COL13A1: variants seen among roughly 807,000 people sequenced by gnomAD.
The protein encoded by COL13A1 is collagen type XIII alpha 1 chain.
COL13A1 carries 89 observed loss-of-function variants against 130.9 expected under a neutral mutation model. The ratio of observed to expected loss-of-function variants is 0.68; its 90% CI spans 0.57 to 0.81. The LOEUF (loss-of-function observed/expected upper bound fraction) is 0.81, where lower values mean the gene tolerates loss of function less well. Ranked by LOEUF, COL13A1 falls within the 30% of genes least tolerant of loss-of-function variation. The pLI is 0.00. For missense variants in COL13A1, 879 were observed against 934.6 expected, an observed-to-expected ratio of 0.94 and a Z score of 0.78; for synonymous variants, 402 against 341.6, an observed-to-expected ratio of 1.18 and a Z score of -1.95.
In COL13A1 at chr10:69,917,324, T is replaced by A. The variant is rs774702557; in HGVS notation, c.957T>A (p.His319Gln). 1.2e-6 allele frequency: 2 copies of A among 1,613,512 alleles called. No individual in the cohort carries two copies. The highest frequency in any genetic ancestry group is 8.5e-7 in the Non-Finnish European group (1 of 1,179,696). Reference sequence around the variant, plus strand: ...GCATGCCAGGGATGCCAGGCAAGCATGGAGCCAAGGTACCTCCCCCTTCCC... The same window carrying A: ...GCATGCCAGGGATGCCAGGCAAGCAAGGAGCCAAGGTACCTCCCCCTTCCC... ...ERGMPGMPGK[H>Q]GAKGAPGIAV... The change falls in exon 18 of 41, where the codon CAT (histidine) becomes CAA (glutamine). Residue 319 changes from histidine (H) to glutamine (Q), a missense_variant. Around this residue, in one of 3 missense-constraint regions of COL13A1, gnomAD observed 715 missense variants for 721.0 expected, o/e 0.99. Transcript: ENST00000645393.
chr10:69,923,820 G>A lies in COL13A1; in HGVS notation c.1249G>A (p.Gly417Ser). The A allele has an allele frequency of 1.2e-6, 2 of 1,611,510 alleles. No homozygotes were observed. The highest frequency in any genetic ancestry group is 1.7e-6 in the Non-Finnish European group (2 of 1,179,062). Reference protein sequence around the residue: ...PGPKGEAGVDGQVGPPGQPGD... With the variant: ...PGPKGEAGVDSQVGPPGQPGD... ...TCCCCAGGGAGAAGCAGGTGTCGAT[G>A]GCCAGGTTGGCCCCCCAGGGCAGCC... Residue 417 changes from glycine (G) to serine (S), a missense_variant, in exon 24 of 41, where the codon GGC becomes AGC. Gly to Ser is a moderately conservative substitution (Grantham distance 56, BLOSUM62 0). This residue lies in a region of COL13A1 where 715 missense variants were observed against 721.0 expected (regional missense o/e 0.99). Coordinates refer to ENST00000645393, the MANE Select transcript of COL13A1 (RefSeq NM_001368882.1).
chr10:69,944,694 G>GAAAGAA (rs370078177), intron 36 of COL13A1, among the ~76,000 whole-genome samples: 11,067 of 149,044 alleles, frequency 0.074, 555 homozygotes, highest in Middle Eastern at 0.16. Context: ...AAGAAAGAAA[G>GAAAGAA]AAAGAAAAAG....
intron 15 of COL13A1, 97 bp from the exon 16 acceptor site, chr10:69,904,836 C>A: frequency 7.6e-7 from 1 of 1,314,232 alleles, no homozygotes; most frequent in Non-Finnish European, 1.0e-6. Flanking sequence ...CTATTGGGAG[C>A]TGCTCTGCCC....
intron 7 of COL13A1, among the ~76,000 whole-genome samples, chr10:69,883,911 CA>C (rs1465792118): frequency 1.3e-5 from 2 of 152,136 alleles, no homozygotes; most frequent in Non-Finnish European, 1.5e-5. Context: ...TGGACTGGAG[CA>C]GAATCGGTGG....
intron 7 of COL13A1, among the ~76,000 whole-genome samples, chr10:69,885,655 C>T (rs973920732): frequency 3.3e-5 from 5 of 152,176 alleles, no homozygotes; most frequent in Non-Finnish European, 5.9e-5. Context: ...TTGTCCCTAG[C>T]GGGATGGAAG....
At chr10:69,830,267 G>A (rs1848502342) in intron 2 of COL13A1, among the ~76,000 whole-genome samples, 1 of 152,240 alleles carries the variant, frequency 6.6e-6, no homozygotes, top group East Asian at 1.9e-4. Context: ...AAAAGAAGAA[G>A]AGATGCTCAC....
intron 31 of COL13A1, among the ~76,000 whole-genome samples, chr10:69,933,422 C>T (rs1188406355): frequency 2.0e-5 from 3 of 152,146 alleles, no homozygotes; most frequent in African/African-American, 7.2e-5. Context: ...TTTCAAAAGA[C>T]AGCAGAGAAT....
rs972132751 is a variant in COL13A1 at position 69,895,577 on chromosome 10, G to A, written c.684+1G>A. 2 of 1,613,874 alleles carry A rather than the reference G, an allele frequency of 1.2e-6. No individual in the cohort carries two copies. The highest frequency in any genetic ancestry group is 2.7e-5 in the African/African-American group (2 of 75,004). ...TCAGTGTGGAGAGTACCCACACCGG[G>A]TAAGTGAACCCCTAAAATTTAGCAG... On this transcript the variant is annotated splice_donor_variant, in intron 13 of 40. Coordinates refer to ENST00000645393, the MANE Select transcript of COL13A1 (RefSeq NM_001368882.1). LOFTEE classifies it high-confidence loss of function.
chr10:69,918,445 AT>A, intron 19 of COL13A1, 128 bp downstream of exon 19: 2 of 885,950 alleles, frequency 2.3e-6, no homozygotes, highest in Non-Finnish European at 3.4e-6. Context: ...ATTTGGAAAC[AT>A]TTTTCTCAAA....
intron 2 of COL13A1, among the ~76,000 whole-genome samples, chr10:69,831,113 C>A (rs12241271): frequency 6.6e-6 from 1 of 152,118 alleles, no homozygotes; most frequent in African/African-American, 2.4e-5. Flanking sequence ...AGTTAATGAA[C>A]GGATGTTGTT....
intron 1 of COL13A1, among the ~76,000 whole-genome samples, chr10:69,810,139 C>T (rs1230275986): frequency 6.6e-6 from 1 of 152,164 alleles, no homozygotes; most frequent in African/African-American, 2.4e-5. Flanking sequence ...CTCTCCCCTC[C>T]TTCTCACTGA....
intron 2 of COL13A1, among the ~76,000 whole-genome samples, chr10:69,855,025 C>T (rs1856006048): frequency 6.6e-6 from 1 of 152,166 alleles, no homozygotes; most frequent in Admixed American, 6.5e-5. Flanking sequence ...GGCAAGAATC[C>T]TAGCTCCACC....
At chr10:69,880,432 T>A (rs2060011044) in intron 6 of COL13A1, 71 bp from the exon 7 acceptor site, 9 of 906,946 alleles carry the variant, frequency 9.9e-6, no homozygotes, top group East Asian at 2.5e-5. Flanking sequence ...CTTTGGTTCC[T>A]CTCTTTCCCG....
At chr10:69,920,025 T>C (rs1253833742) in intron 21 of COL13A1, among the ~76,000 whole-genome samples, 1 of 152,176 alleles carries the variant, frequency 6.6e-6, no homozygotes, top group Non-Finnish European at 1.5e-5. Flanking sequence ...CATGGCCTGC[T>C]TCCGAAGGAT....
intron 13 of COL13A1, among the ~76,000 whole-genome samples, chr10:69,898,346 G>A (rs534299633): frequency 2.6e-5 from 4 of 152,342 alleles, no homozygotes; most frequent in South Asian, 2.1e-4. Context: ...GCATGGCCAC[G>A]GAGGGCAAGC....
chr10:69,917,358 A>G, intron 18 of COL13A1, 25 bp downstream of exon 18: 1 of 1,606,588 alleles, frequency 6.2e-7, no homozygotes, highest in Non-Finnish European at 8.5e-7. Context: ...CCCACATCCC[A>G]GGCAGCCCCA....
At chr10:69,836,260 G>A (rs1329943328) in intron 2 of COL13A1, among the ~76,000 whole-genome samples, 2 of 152,198 alleles carry the variant, frequency 1.3e-5, no homozygotes, top group African/African-American at 2.4e-5. Context: ...GGGGCTAGGC[G>A]GTGCCCAGTG....
At chr10:69,873,024 TGGGTATGTGTACC>T (rs961104169) in intron 4 of COL13A1, among the ~76,000 whole-genome samples, 1 of 152,146 alleles carries the variant, frequency 6.6e-6, no homozygotes, top group Non-Finnish European at 1.5e-5. Flanking sequence ...AGTTGAGTAG[TGGGTATGTGTACC>T]GGGTATGTGT....
intron 2 of COL13A1, among the ~76,000 whole-genome samples, chr10:69,841,885 G>A (rs774029346): frequency 1.3e-5 from 2 of 152,272 alleles, no homozygotes; most frequent in African/African-American, 2.4e-5. Flanking sequence ...AGGGAGCTTC[G>A]GGACAGAGAC....
Sources: gnomAD v4.1 joint callset for allele counts (sites outside exome capture counted in the v4.1 genomes callset) on GRCh38, gnomAD v4.1.1 for gene constraint, gnomAD v4.1.1 regional missense constraint, MANE v1.5 for transcripts, NCBI Gene and HGNC (gene_info 2026-07-23, HGNC 2026-07-21) for gene names.